GAD2: variants seen among roughly 807,000 people sequenced by gnomAD.
GAD2 encodes the protein 65 kDa glutamic acid decarboxylase.
GAD2 carries 22 observed loss-of-function variants against 80.1 expected under a neutral mutation model. The observed-to-expected ratio is 0.27, with a 90% confidence interval of 0.20 to 0.39. The LOEUF (loss-of-function observed/expected upper bound fraction) is 0.39. Ranked by LOEUF, GAD2 falls within the 10% of genes least tolerant of loss-of-function variation. GAD2 has a pLI of 1.00. For synonymous variants in GAD2, 274 were observed against 256.9 expected, an observed-to-expected ratio of 1.07 and a Z score of -0.64; for missense variants, 624 against 738.4, an observed-to-expected ratio of 0.85 and a Z score of 1.80.
chr10:26,274,168 G>A (rs534317556), intron 11 of GAD2, among the ~76,000 whole-genome samples: 1 of 152,316 alleles, frequency 6.6e-6, no homozygotes, highest in South Asian at 2.1e-4. Context: ...TGGGTTTGGG[G>A]TCTAAGATGG....
chr10:26,293,046 A>G, intron 15 of GAD2, 55 bp downstream of exon 15: 1 of 1,390,514 alleles, frequency 7.2e-7, no homozygotes, highest in Non-Finnish European at 1.0e-6. Flanking sequence ...TCATGTGCAC[A>G]TCTTCTTTAT....
rs7896603 is a variant in GAD2 at position 26,246,924 on chromosome 10, G to A, written c.920+924G>A. 4.4e-3 allele frequency among the ~76,000 whole-genome samples: 664 copies of A among 152,300 alleles called. 5 individuals carry two copies. The highest frequency in any genetic ancestry group is 0.015 in the African/African-American group (636 of 41,552). On this transcript the variant is annotated intron_variant, in intron 8 of 15. Coordinates refer to ENST00000376261, the MANE Select transcript of GAD2 (RefSeq NM_001134366.2). Reference sequence around the variant, plus strand: ...TAGGAGTGAGCTGGACAAGTGGAGGGAAAGGCAAGGGCAGTTACAGAAGAT... The same window carrying A: ...TAGGAGTGAGCTGGACAAGTGGAGGAAAAGGCAAGGGCAGTTACAGAAGAT...
chr10:26,242,754 C>A (rs192438263), intron 7 of GAD2, among the ~76,000 whole-genome samples: 16 of 152,302 alleles, frequency 1.1e-4, no homozygotes, highest in Admixed American at 3.9e-4. Flanking sequence ...GATCAATTAT[C>A]CTGGGTAATT....
rs1363945036 is a variant in GAD2 at position 26,303,940 on chromosome 10, A to T, written c.*2979A>T. The T allele has an allele frequency of 6.6e-6, 1 of 151,990 alleles. No individual in the cohort carries two copies. The highest frequency in any genetic ancestry group is 1.5e-5 in the Non-Finnish European group (1 of 68,026). 9.4% of individuals were successfully genotyped at this position (151,990 alleles called of 1,614,324 possible). ...CTTTTTCTGTGTGGTAGCTGTATTG[A>T]ACTTTGATATTATGAAAACTACATT... On this transcript the variant is annotated 3_prime_UTR_variant, in exon 16 of 16. Transcript: ENST00000376261.
intron 7 of GAD2, among the ~76,000 whole-genome samples, chr10:26,243,378 G>A (rs1048619625): frequency 1.9e-4 from 29 of 152,292 alleles, no homozygotes; most frequent in South Asian, 4.1e-4. Flanking sequence ...GTGGGCATTC[G>A]AAGAGAGAGG....
Position 26,292,948 on chromosome 10 carries a change from G to C in GAD2, c.1541G>C (p.Arg514Pro), listed in dbSNP as rs777588143. The C allele has an allele frequency of 9.3e-6, 15 of 1,613,844 alleles. 1 individual carries two copies. Among genetic ancestry groups the C allele is most frequent in the South Asian group, 2.2e-5 (2 of 91,070 alleles). The change falls in exon 15 of 16, where the codon CGT becomes CCT. Residue 514 changes from arginine to proline, a missense_variant. Physicochemically the swap from Arg to Pro is moderately radical, Grantham distance 103. Coordinates refer to ENST00000376261, the MANE Select transcript of GAD2 (RefSeq NM_001134366.2). ...TTCTGGTACATTCCTCCAAGCTTGCGTACTCTGGAAGACAATGAAGAGAGA... is the reference window on the plus strand; with the variant it reads ...TTCTGGTACATTCCTCCAAGCTTGCCTACTCTGGAAGACAATGAAGAGAGA... Reference protein sequence around the residue: ...VCFWYIPPSLRTLEDNEERMS... With the variant: ...VCFWYIPPSLPTLEDNEERMS...
At chr10:26,291,949 A>G (rs1029165212) in intron 13 of GAD2, among the ~76,000 whole-genome samples, 2 of 152,206 alleles carry the variant, frequency 1.3e-5, no homozygotes, top group Admixed American at 6.5e-5. Flanking sequence ...GGTGCTCCCT[A>G]AAATTCCTGC....
chr10:26,227,317 C>T (rs1335629112), intron 6 of GAD2, among the ~76,000 whole-genome samples: 1 of 152,188 alleles, frequency 6.6e-6, no homozygotes, highest in African/African-American at 2.4e-5. Flanking sequence ...AGGTAGGGCT[C>T]ACGCATTTGT....
chr10:26,240,342 G>A (rs929888916), intron 7 of GAD2, among the ~76,000 whole-genome samples: 7 of 152,088 alleles, frequency 4.6e-5, no homozygotes, highest in Non-Finnish European at 7.4e-5. Context: ...CTCAAACCTA[G>A]AAAGCCTGCT....
At position 26,224,076 on chromosome 10, in the gene GAD2, C is replaced by T. The variant is rs1844489200; in HGVS notation, c.611+99C>T. 11 of 811,162 alleles carry T rather than the reference C, an allele frequency of 1.4e-5. No individual in the cohort carries two copies. In the South Asian group the frequency reaches 2.0e-4, roughly 15 times the overall value. The allele number at this position is 811,162 out of a possible 1,614,324, so 50.2% of individuals were successfully genotyped here. A position where few individuals can be genotyped will look rare whatever the true frequency, so the allele number is the denominator to read the frequency against. ...TGAAAATCTGTTTTTTATTAAGTAG[C>T]CACTAAAATAGTGATACAAACTTCT... On this transcript the variant is annotated intron_variant, in intron 5 of 15. Transcript: ENST00000376261.
chr10:26,286,110 G>A (rs1845328328), intron 12 of GAD2, among the ~76,000 whole-genome samples: 1 of 152,066 alleles, frequency 6.6e-6, no homozygotes, highest in Admixed American at 6.6e-5. Flanking sequence ...ATGTGTCCTT[G>A]CTAACCTCCG....
intron 13 of GAD2, among the ~76,000 whole-genome samples, chr10:26,288,899 A>T (rs980753898): frequency 6.6e-6 from 1 of 152,170 alleles, no homozygotes; most frequent in Non-Finnish European, 1.5e-5. Context: ...GAACAGCAGG[A>T]CCAGATGAAG....
intron 8 of GAD2, among the ~76,000 whole-genome samples, chr10:26,246,796 T>C (rs1274590643): frequency 6.6e-6 from 1 of 152,176 alleles, no homozygotes; most frequent in African/African-American, 2.4e-5. Context: ...CAGAAGGAGA[T>C]AGTTACAGGG....
intron 8 of GAD2, among the ~76,000 whole-genome samples, chr10:26,257,588 C>T (rs1410263004): frequency 1.3e-5 from 2 of 151,942 alleles, no homozygotes; most frequent in Non-Finnish European, 2.9e-5. Flanking sequence ...TCCTAGCTCC[C>T]ATGTAACACA....
chr10:26,260,728 T>C (rs1844999668), intron 8 of GAD2, among the ~76,000 whole-genome samples: 1 of 152,194 alleles, frequency 6.6e-6, no homozygotes, highest in Non-Finnish European at 1.5e-5. Flanking sequence ...CAGAAAAGAC[T>C]CAGCCAGTTT....
chr10:26,224,633 G>A lies in GAD2; in HGVS notation c.706G>A (p.Asp236Asn), dbSNP rs779103489. The A allele has an allele frequency of 5.0e-6, 8 of 1,611,208 alleles. No individual in the cohort carries two copies. Among genetic ancestry groups the A allele is most frequent in the African/African-American group, 4.0e-5 (3 of 74,872 alleles). Residue 236 changes from aspartate (D) to asparagine (N), a missense_variant, in exon 6 of 16, where the codon GAT (aspartate) becomes AAT (asparagine). Physicochemically the swap from Asp to Asn is conservative, Grantham distance 23. Coordinates refer to ENST00000376261, the MANE Select transcript of GAD2 (RefSeq NM_001134366.2). ...CATTGGCTGGCCAGGGGGCTCTGGC[G>A]ATGGGATATTTTCTCCCGGTACATG... is the stretch of plus-strand genomic sequence containing the variant. Reference protein sequence around the residue: ...EIIGWPGGSGDGIFSPGGAIS... With the variant: ...EIIGWPGGSGNGIFSPGGAIS...
chr10:26,277,436 C>T (rs1286784077), intron 11 of GAD2, among the ~76,000 whole-genome samples: 1 of 152,198 alleles, frequency 6.6e-6, no homozygotes, highest in Non-Finnish European at 1.5e-5. Flanking sequence ...CATTAGATTC[C>T]TTGGGGCGAC....
intron 7 of GAD2, among the ~76,000 whole-genome samples, chr10:26,235,314 C>T (rs1844658557): frequency 1.3e-5 from 2 of 152,164 alleles, no homozygotes. Context: ...GACTCTGTGG[C>T]CTTCTGCATC....
At chr10:26,242,810 A>G (rs1212717308) in intron 7 of GAD2, among the ~76,000 whole-genome samples, 1 of 152,162 alleles carries the variant, frequency 6.6e-6, no homozygotes, top group African/African-American at 2.4e-5. Context: ...AAGACTAGAC[A>G]AGAATACGTC....
Sources: gnomAD v4.1 joint callset for allele counts (sites outside exome capture counted in the v4.1 genomes callset) on GRCh38, gnomAD v4.1.1 for gene constraint, MANE v1.5 for transcripts, NCBI Gene and HGNC (gene_info 2026-07-23, HGNC 2026-07-21) for gene names.